The following TAFA5 variants were observed in gnomAD, a reference collection of about 807,000 sequenced individuals.
TAFA5 encodes the protein TAFA chemokine like family member 5, also known as chemokine-like protein TAFA-5.
TAFA5 carries 6 observed loss-of-function variants against 15.3 expected under a neutral mutation model. The ratio of observed to expected loss-of-function variants is 0.39; its 90% CI spans 0.21 to 0.77. The LOEUF (loss-of-function observed/expected upper bound fraction) is 0.77. TAFA5 is among the 30% of genes least tolerant of loss of function. The pLI, the probability that TAFA5 is intolerant of heterozygous loss-of-function variation, is 0.41. For missense variants in TAFA5, 161 were observed against 193.1 expected (o/e 0.83, Z 0.98); for synonymous variants, 103 against 80.7 (o/e 1.28, Z -1.48).
intron 1 of TAFA5, among the ~76,000 whole-genome samples, chr22:48,611,984 G>A (rs1186962951): frequency 2.0e-5 from 3 of 152,184 alleles, no homozygotes; most frequent in African/African-American, 7.2e-5. Context: ...ATGCCTCTCT[G>A]AGCCTCAGTT....
At chr22:48,610,747 C>G (rs1333176859) in intron 1 of TAFA5, among the ~76,000 whole-genome samples, 1 of 152,154 alleles carries the variant, frequency 6.6e-6, no homozygotes, top group South Asian at 2.1e-4. Flanking sequence ...CAGAGAATCT[C>G]CATTAGCAAG....
chr22:48,714,019 G>C (rs968385791), intron 3 of TAFA5, among the ~76,000 whole-genome samples: 8 of 152,240 alleles, frequency 5.3e-5, no homozygotes, highest in Non-Finnish European at 1.0e-4. Flanking sequence ...CCGTGTCTGT[G>C]CCAATCCGCC....
At chr22:48,494,371 G>A (rs1894543) in intron 1 of TAFA5, among the ~76,000 whole-genome samples, 15,266 of 152,198 alleles carry the variant, frequency 0.1, 1,167 homozygotes, top group East Asian at 0.36. Flanking sequence ...CCTGTCACCC[G>A]GAGCACTGTC....
chr22:48,514,495 G>A (rs1299670814), intron 1 of TAFA5, among the ~76,000 whole-genome samples: 1 of 152,186 alleles, frequency 6.6e-6, no homozygotes, highest in Non-Finnish European at 1.5e-5. Context: ...TAATTGAGGT[G>A]GCCGCGGCTC....
At chr22:48,561,058 T>A (rs1032346269) in intron 1 of TAFA5, among the ~76,000 whole-genome samples, 23 of 152,124 alleles carry the variant, frequency 1.5e-4, no homozygotes, top group Non-Finnish European at 1.0e-4. Context: ...GCTCTGCTCT[T>A]CAAGCTGGGA....
chr22:48,661,058 C>T (rs1927422323), intron 2 of TAFA5, among the ~76,000 whole-genome samples: 1 of 152,182 alleles, frequency 6.6e-6, no homozygotes, highest in South Asian at 2.1e-4. Flanking sequence ...GTGGGGTCTC[C>T]AGGCCCCAGG....
chr22:48,526,208 C>A (rs1046216632), intron 1 of TAFA5, among the ~76,000 whole-genome samples: 3 of 152,210 alleles, frequency 2.0e-5, no homozygotes, highest in African/African-American at 4.8e-5. Flanking sequence ...CTCATTCTCT[C>A]TTTGTCTACC....
chr22:48,597,563 C>T (rs1348650910), intron 1 of TAFA5, among the ~76,000 whole-genome samples: 4 of 147,574 alleles, frequency 2.7e-5, no homozygotes, highest in African/African-American at 7.5e-5. Flanking sequence ...CCTGCAGCCC[C>T]CTTCACCACG....
At chr22:48,615,254 T>C (rs374171747) in intron 1 of TAFA5, among the ~76,000 whole-genome samples, 2 of 152,302 alleles carry the variant, frequency 1.3e-5, no homozygotes, top group East Asian at 1.9e-4. Context: ...CTGCAGCCCC[T>C]GCCTTTGTGC....
At chr22:48,685,060 G>A (rs886242713) in intron 2 of TAFA5, among the ~76,000 whole-genome samples, 5 of 152,238 alleles carry the variant, frequency 3.3e-5, no homozygotes, top group Non-Finnish European at 7.3e-5. Flanking sequence ...GCATAAGTCA[G>A]TGCACTTAAG....
In TAFA5 at chr22:48,490,847, C is replaced by T. The variant is rs998401553; in HGVS notation, c.112+1143C>T. Among the ~76,000 whole-genome samples the T allele has an allele frequency of 6.6e-6, 1 of 151,470 alleles. No individual in the cohort carries two copies. The highest frequency in any genetic ancestry group is 1.5e-5 in the Non-Finnish European group (1 of 67,892). ...CACCACCTCCTCCAGAGCCCCGGGC[C>T]TCCAAGCTCCCAGTCCGATCTGATC... On this transcript the variant is annotated intron_variant, in intron 1 of 3. Coordinates refer to ENST00000402357, the MANE Select transcript of TAFA5 (RefSeq NM_001082967.3). The surrounding 1 kb of genome is among the most constrained non-coding windows in gnomAD (Gnocchi z 5.8).
intron 3 of TAFA5, among the ~76,000 whole-genome samples, chr22:48,711,422 G>A (rs1009365251): frequency 8.5e-5 from 13 of 152,058 alleles, no homozygotes; most frequent in Admixed American, 5.2e-4. Flanking sequence ...GGTGGGCCCT[G>A]TAATCTTCCC....
chr22:48,576,377 G>A lies in TAFA5; in HGVS notation c.113-70220G>A, dbSNP rs1324170739. 3.3e-6 allele frequency: 4 copies of A among 1,222,328 alleles called. No homozygotes were observed. In the East Asian group the frequency reaches 1.3e-4, roughly 41 times the overall value. 75.7% of individuals were successfully genotyped at this position (1,222,328 alleles called of 1,614,324 possible). On this transcript the variant is annotated intron_variant, in intron 1 of 3. Transcript: ENST00000402357. ...GCGCGGCGTTGGCGGCGGATGGAGG[G>A]CGCGAGCGGGCGGCCGCGGAGGCTG...
intron 2 of TAFA5, among the ~76,000 whole-genome samples, chr22:48,704,582 TG>T (rs1569087030): frequency 6.6e-6 from 1 of 152,040 alleles, no homozygotes; most frequent in African/African-American, 2.4e-5. Context: ...AGCTGCAGCC[TG>T]GGTGGCTTGT....
intron 3 of TAFA5, among the ~76,000 whole-genome samples, chr22:48,723,198 C>T (rs1037714224): frequency 7.9e-5 from 12 of 152,144 alleles, no homozygotes; most frequent in East Asian, 1.9e-4. Flanking sequence ...CACAGGATAC[C>T]GGGGCTCTGC....
intron 2 of TAFA5, among the ~76,000 whole-genome samples, chr22:48,658,783 A>C (rs1038227716): frequency 6.6e-6 from 1 of 152,206 alleles, no homozygotes; most frequent in African/African-American, 2.4e-5. Context: ...GTCGACGTGT[A>C]GAGAGAGAAA....
chr22:48,663,052 TG>T (rs1927500588), intron 2 of TAFA5, among the ~76,000 whole-genome samples: 2 of 152,270 alleles, frequency 1.3e-5, no homozygotes, highest in South Asian at 4.1e-4. Context: ...TGGGGATGCT[TG>T]GGATGCTCCG....
chr22:48,587,314 G>A (rs35658680), intron 1 of TAFA5, among the ~76,000 whole-genome samples: 10,114 of 152,230 alleles, frequency 0.066, 406 homozygotes, highest in South Asian at 0.19. Context: ...AGAGGGTCCT[G>A]GACTGCAGGG....
chr22:48,580,195 T>C (rs1342090929), intron 1 of TAFA5, among the ~76,000 whole-genome samples: 5 of 152,188 alleles, frequency 3.3e-5, no homozygotes, highest in Non-Finnish European at 7.4e-5. Context: ...TTTAGTTAGC[T>C]GGCTCTTTCG....
Sources: gnomAD v4.1 joint callset for allele counts (sites outside exome capture counted in the v4.1 genomes callset) on GRCh38, gnomAD v4.1.1 for gene constraint, Gnocchi (gnomAD v3.1) non-coding constraint, MANE v1.5 for transcripts, NCBI Gene and HGNC (gene_info 2026-07-23, HGNC 2026-07-21) for gene names.